The following RXRA variants were observed in gnomAD, a reference collection of about 807,000 sequenced individuals.
RXRA encodes retinoic acid receptor RXR-alpha.
A neutral mutation model predicts 44.5 loss-of-function variants in RXRA; 5 were observed. That is an observed-to-expected ratio of 0.11 (90% CI 0.06 to 0.24). The LOEUF (loss-of-function observed/expected upper bound fraction) is 0.24. Ranked by LOEUF, RXRA falls within the 10% of genes least tolerant of loss-of-function variation. RXRA has a pLI of 1.00. For missense variants in RXRA, 412 were observed against 646.5 expected (o/e 0.64, Z 3.93); for synonymous variants, 291 against 271.4 (o/e 1.07, Z -0.71).
At position 134,357,926 on chromosome 9, in the gene RXRA, C is replaced by T. The variant is rs1830302263; in HGVS notation, c.28+31267C>T. Among the ~76,000 whole-genome samples the T allele has an allele frequency of 2.6e-5, 4 of 152,232 alleles. No individual in the cohort carries two copies. In the South Asian group the frequency reaches 6.2e-4, roughly 24 times the overall value. ...ACCCTGTGGGCAAGGGGAGGAGCCA[C>T]AGCAGAGGAGGAGGAGGAGGAGGAG... On this transcript the variant is annotated intron_variant, in intron 1 of 9. Transcript: ENST00000481739.
In RXRA at chr9:134,436,754, C is replaced by CAGAGCAGTGA; in HGVS notation, c.*140_*141insAGAGCAGTGA. ...TGGGGCACAGCCTGTCACTGCTCTG[C>CAGAGCAGTGA]CTAAGAGATGTGTTGTCACCCTCCT... On this transcript the variant is annotated 3_prime_UTR_variant, in exon 10 of 10. Coordinates refer to ENST00000481739, the MANE Select transcript of RXRA (RefSeq NM_002957.6). 2.3e-6 allele frequency: 2 copies of CAGAGCAGTGA among 883,760 alleles called. No homozygotes were observed. The highest frequency in any genetic ancestry group is 3.4e-6 in the Non-Finnish European group (2 of 580,958). 54.7% of individuals were successfully genotyped at this position (883,760 alleles called of 1,614,324 possible). A position where few individuals can be genotyped will look rare whatever the true frequency, so the allele number is the denominator to read the frequency against.
rs560677225 is a variant in RXRA at position 134,407,983 on chromosome 9, C to T, written c.280-166C>T. 5.9e-5 allele frequency among the ~76,000 whole-genome samples: 9 copies of T among 151,726 alleles called. No homozygotes were observed. The highest frequency in any genetic ancestry group is 1.3e-4 in the Admixed American group (2 of 15,266). ...CCTTGCTGAGCAAGCACAGTGGCCC[C>T]GCTGCTCCGGAGCAGCGTGGCGGGT... On this transcript the variant is annotated intron_variant, in intron 2 of 9. Coordinates refer to ENST00000481739, the MANE Select transcript of RXRA (RefSeq NM_002957.6). This position sits in a 1 kb window ranked among gnomAD's most constrained non-coding sequence, Gnocchi z 4.8.
intron 1 of RXRA, among the ~76,000 whole-genome samples, chr9:134,400,569 C>T (rs1019192437): frequency 6.6e-6 from 1 of 152,166 alleles, no homozygotes; most frequent in Non-Finnish European, 1.5e-5. Flanking sequence ...CACTTGCTGC[C>T]GTCTGTGCTG....
chr9:134,348,582 A>G (rs1830182955), intron 1 of RXRA, among the ~76,000 whole-genome samples: 1 of 152,150 alleles, frequency 6.6e-6, no homozygotes, highest in South Asian at 2.1e-4. Context: ...ACGTGGGTTG[A>G]GTCTTGGCTG....
intron 7 of RXRA, among the ~76,000 whole-genome samples, chr9:134,429,681 C>T (rs562583344): frequency 3.3e-5 from 5 of 152,266 alleles, no homozygotes; most frequent in South Asian, 4.1e-4. Flanking sequence ...GTGTCGGGAC[C>T]GCAGTGCTTC....
intron 1 of RXRA, among the ~76,000 whole-genome samples, chr9:134,350,316 C>T (rs145326418): frequency 0.011 from 1,662 of 152,248 alleles, 11 homozygotes; most frequent in Non-Finnish European, 0.019. Flanking sequence ...GCCCCCGCCT[C>T]GCCAGCTGCA....
At chr9:134,402,944 C>T (rs1830987988) in intron 2 of RXRA, 1 of 152,200 alleles carries the variant, frequency 6.6e-6, no homozygotes, top group Non-Finnish European at 1.5e-5. Flanking sequence ...GCTCCTCTGC[C>T]CACACACAGC....
At chr9:134,331,610 A>G (rs1369577708) in intron 1 of RXRA, among the ~76,000 whole-genome samples, 3 of 151,876 alleles carry the variant, frequency 2.0e-5, no homozygotes, top group African/African-American at 7.3e-5. Context: ...GACTCACCCT[A>G]CCCCCACGAA....
intron 1 of RXRA, among the ~76,000 whole-genome samples, chr9:134,363,993 C>T (rs756519332): frequency 3.9e-5 from 6 of 152,278 alleles, no homozygotes; most frequent in South Asian, 2.1e-4. Context: ...GGGTCCGTGC[C>T]GGGCTTCTCC....
intron 1 of RXRA, among the ~76,000 whole-genome samples, chr9:134,351,495 A>G (rs535972032): frequency 6.6e-5 from 10 of 152,196 alleles, no homozygotes; most frequent in Admixed American, 1.3e-4. Flanking sequence ...GGGAGCCCCA[A>G]TAGGGCAGGG....
intron 2 of RXRA, chr9:134,404,435 C>G (rs527562937): frequency 7.9e-5 from 12 of 152,516 alleles, no homozygotes; most frequent in African/African-American, 2.6e-4. Context: ...CCCACAGTGT[C>G]CCAGAGCCTT....
chr9:134,349,628 G>C lies in RXRA; in HGVS notation c.28+22969G>C, dbSNP rs1395868337. Among the ~76,000 whole-genome samples, 2 of 152,232 alleles carry C rather than the reference G, an allele frequency of 1.3e-5. No homozygotes were observed. The highest frequency in any genetic ancestry group is 2.9e-5 in the Non-Finnish European group (2 of 68,034). ...GGCCCCCATGAGTGGGTGACATCAG[G>C]AGACCCCGCATCAGGCAAGGTTACC... is the stretch of plus-strand genomic sequence containing the variant. On this transcript the variant is annotated intron_variant, in intron 1 of 9. Coordinates refer to ENST00000481739, the MANE Select transcript of RXRA (RefSeq NM_002957.6). The surrounding 1 kb of genome is among the most constrained non-coding windows in gnomAD (Gnocchi z 4.3).
intron 1 of RXRA, among the ~76,000 whole-genome samples, chr9:134,370,743 C>T (rs114577460): frequency 0.014 from 2,148 of 152,130 alleles, 53 homozygotes; most frequent in African/African-American, 0.049. Context: ...CCATGCAGTT[C>T]GCTGTGTGGC....
intron 3 of RXRA, among the ~76,000 whole-genome samples, chr9:134,408,584 A>C (rs1004021376): frequency 6.6e-6 from 1 of 152,244 alleles, no homozygotes; most frequent in Non-Finnish European, 1.5e-5. Flanking sequence ...GGGGGCAGCC[A>C]GTGCTGCGCC....
At chr9:134,382,443 C>T (rs1047520229) in intron 1 of RXRA, among the ~76,000 whole-genome samples, 1 of 152,094 alleles carries the variant, frequency 6.6e-6, no homozygotes, top group African/African-American at 2.4e-5. Context: ...GGGGCCAGGG[C>T]AGCTGGTAGG....
At chr9:134,378,267 C>T (rs1202185855) in intron 1 of RXRA, among the ~76,000 whole-genome samples, 2 of 152,036 alleles carry the variant, frequency 1.3e-5, no homozygotes, top group African/African-American at 4.8e-5. Context: ...GAGGCGAGTT[C>T]TCTGTCTGCT....
chr9:134,347,582 C>G lies in RXRA; in HGVS notation c.28+20923C>G, dbSNP rs910548534. ...CTGGGGGAGGACGGCCAGGGGCCTGCGTTGATGGGCAGGTTCCAGGTATGC... is the reference window on the plus strand; with the variant it reads ...CTGGGGGAGGACGGCCAGGGGCCTGGGTTGATGGGCAGGTTCCAGGTATGC... On this transcript the variant is annotated intron_variant, in intron 1 of 9. Transcript: ENST00000481739. Among the ~76,000 whole-genome samples, 78 of 152,152 alleles carry G rather than the reference C, an allele frequency of 5.1e-4. 1 individual carries two copies. The highest frequency in any genetic ancestry group is 1.5e-3 in the African/African-American group (63 of 41,416).
At chr9:134,391,113 G>T (rs970366974) in intron 1 of RXRA, among the ~76,000 whole-genome samples, 7 of 152,218 alleles carry the variant, frequency 4.6e-5, no homozygotes, top group Admixed American at 6.5e-5. Context: ...GCCGTGGGAA[G>T]ACTGGGGATG....
intron 1 of RXRA, among the ~76,000 whole-genome samples, chr9:134,340,640 T>C (rs1449700665): frequency 6.6e-6 from 1 of 152,182 alleles, no homozygotes; most frequent in African/African-American, 2.4e-5. Context: ...TGAGCCTCGA[T>C]GCACGCCTCG....
Sources: allele counts gnomAD v4.1 joint callset (sites outside exome capture counted in the v4.1 genomes callset), GRCh38; gene constraint gnomAD v4.1.1; non-coding constraint Gnocchi (gnomAD v3.1); transcripts MANE v1.5; gene names NCBI Gene and HGNC (gene_info 2026-07-23, HGNC 2026-07-21).